TNFRSF19: variants seen among roughly 807,000 people sequenced by gnomAD.
TNFRSF19 encodes TNF receptor superfamily member 19.
TNFRSF19 carries 27 observed loss-of-function variants against 46.4 expected under a neutral mutation model. The observed-to-expected ratio is 0.58, with a 90% CI of 0.43 to 0.80. The LOEUF (loss-of-function observed/expected upper bound fraction) is 0.80. Ranked by LOEUF, TNFRSF19 falls within the 30% of genes least tolerant of loss-of-function variation. TNFRSF19 has a pLI of 0.00. For synonymous variants in TNFRSF19, 204 were observed against 205.0 expected (o/e 1.00, Z 0.04); for missense variants, 511 against 530.8 (o/e 0.96, Z 0.37).
At chr13:23,650,122 T>C (rs374622005) in intron 5 of TNFRSF19, among the ~76,000 whole-genome samples, 2 of 152,218 alleles carry the variant, frequency 1.3e-5, no homozygotes, top group East Asian at 3.8e-4. Flanking sequence ...TCTTCTGGCA[T>C]AAAATCCCTC....
At chr13:23,598,604 G>T (rs1879905417) in intron 3 of TNFRSF19, among the ~76,000 whole-genome samples, 1 of 152,178 alleles carries the variant, frequency 6.6e-6, no homozygotes, top group Non-Finnish European at 1.5e-5. Flanking sequence ...CACAGTGAGT[G>T]TATGTTACTC....
Position 23,644,460 on chromosome 13 carries a change from A to G in TNFRSF19, c.446-14590A>G, listed in dbSNP as rs557463540. Among the ~76,000 whole-genome samples, 5 of 152,186 alleles carry G rather than the reference A, an allele frequency of 3.3e-5. No homozygotes were observed. The South Asian group carries it at 1.0e-3, about 32-fold the overall frequency. On this transcript the variant is annotated intron_variant, in intron 5 of 9. Transcript: ENST00000248484. ...CCTTGCTGCCGCCATGTGAAGAAGG[A>G]TGTGTTTGCTTCCCCTTCCAGCATG...
intron 3 of TNFRSF19, among the ~76,000 whole-genome samples, chr13:23,596,022 T>G (rs1486211569): frequency 6.6e-6 from 1 of 152,128 alleles, no homozygotes; most frequent in African/African-American, 2.4e-5. Flanking sequence ...GCTTCATAAG[T>G]GACGGAGAAA....
chr13:23,652,993 C>A (rs74038473), intron 5 of TNFRSF19, among the ~76,000 whole-genome samples: 1 of 152,176 alleles, frequency 6.6e-6, no homozygotes, highest in African/African-American at 2.4e-5. Flanking sequence ...CCAGAAATAT[C>A]GTGGCCTAAG....
intron 1 of TNFRSF19, among the ~76,000 whole-genome samples, chr13:23,573,934 C>G (rs955138378): frequency 6.6e-6 from 1 of 151,732 alleles, no homozygotes; most frequent in Admixed American, 6.6e-5. Flanking sequence ...AGGTGGCAGG[C>G]GCCTGTAGTC....
chr13:23,637,547 AAT>A (rs1292195024), intron 5 of TNFRSF19, among the ~76,000 whole-genome samples: 1 of 152,182 alleles, frequency 6.6e-6, no homozygotes, highest in African/African-American at 2.4e-5. Flanking sequence ...TAAGTGAATT[AAT>A]ACCGGTATCA....
chr13:23,608,840 C>T (rs1029096075), intron 3 of TNFRSF19, among the ~76,000 whole-genome samples: 3 of 152,136 alleles, frequency 2.0e-5, no homozygotes, highest in Non-Finnish European at 4.4e-5. Context: ...TCATATTGAC[C>T]TAACGCACAT....
chr13:23,639,487 C>T (rs908694500), intron 5 of TNFRSF19, among the ~76,000 whole-genome samples: 9 of 152,248 alleles, frequency 5.9e-5, no homozygotes, highest in Admixed American at 2.6e-4. Context: ...TCCTTTGCCT[C>T]CCCTCAGGAG....
intron 1 of TNFRSF19, among the ~76,000 whole-genome samples, chr13:23,586,751 G>A (rs1010832268): frequency 1.3e-5 from 2 of 152,182 alleles, no homozygotes; most frequent in Admixed American, 6.5e-5. Flanking sequence ...CAGCCACTCT[G>A]TGTGCAGCTG....
intron 9 of TNFRSF19, among the ~76,000 whole-genome samples, chr13:23,670,760 C>A (rs979087727): frequency 6.6e-6 from 1 of 152,196 alleles, no homozygotes; most frequent in African/African-American, 2.4e-5. Context: ...ACAGGCGGAA[C>A]CCCCCTGCTC....
chr13:23,617,465 G>A (rs1243329214), intron 4 of TNFRSF19, among the ~76,000 whole-genome samples: 1 of 152,176 alleles, frequency 6.6e-6, no homozygotes, highest in African/African-American at 2.4e-5. Context: ...AAGAGCCAGG[G>A]TGACAAGGGG....
chr13:23,601,845 C>T (rs536976132), intron 3 of TNFRSF19, among the ~76,000 whole-genome samples: 1 of 151,932 alleles, frequency 6.6e-6, no homozygotes, highest in Non-Finnish European at 1.5e-5. Context: ...TCTAGGGCAA[C>T]CGTTAAAACA....
intron 5 of TNFRSF19, among the ~76,000 whole-genome samples, chr13:23,639,439 G>C (rs991519096): frequency 6.6e-6 from 1 of 152,180 alleles, no homozygotes; most frequent in Non-Finnish European, 1.5e-5. Flanking sequence ...CCCCGTAGCA[G>C]GTGTCCTTGG....
intron 3 of TNFRSF19, among the ~76,000 whole-genome samples, chr13:23,596,409 T>G (rs1879727254): frequency 6.6e-6 from 1 of 152,054 alleles, no homozygotes; most frequent in African/African-American, 2.4e-5. Flanking sequence ...GAATATTTAC[T>G]AAGCAAATGG....
At chr13:23,633,773 C>T (rs556135071) in intron 5 of TNFRSF19, among the ~76,000 whole-genome samples, 11 of 152,262 alleles carry the variant, frequency 7.2e-5, no homozygotes, top group Admixed American at 1.3e-4. Context: ...CACTTGAACG[C>T]GGGAGGCGGA....
chr13:23,670,954 T>G (rs1273094364), intron 9 of TNFRSF19, among the ~76,000 whole-genome samples: 1 of 152,200 alleles, frequency 6.6e-6, no homozygotes, highest in African/African-American at 2.4e-5. Context: ...ACCTTAATTT[T>G]GTAGCTTGTA....
chr13:23,618,969 A>C (rs551917262), intron 4 of TNFRSF19, among the ~76,000 whole-genome samples: 1 of 152,314 alleles, frequency 6.6e-6, no homozygotes, highest in South Asian at 2.1e-4. Context: ...CTTCCCTCTG[A>C]AGAGTGCAGC....
At chr13:23,610,224 G>A (rs1880800582) in intron 3 of TNFRSF19, among the ~76,000 whole-genome samples, 1 of 152,224 alleles carries the variant, frequency 6.6e-6, no homozygotes, top group Non-Finnish European at 1.5e-5. Flanking sequence ...GGGTCTGTGA[G>A]TTTTCCCCTG....
chr13:23,607,560 A>G (rs1369645980), intron 3 of TNFRSF19, among the ~76,000 whole-genome samples: 1 of 152,266 alleles, frequency 6.6e-6, no homozygotes, highest in Non-Finnish European at 1.5e-5. Context: ...AAAGCAGAGT[A>G]AACATAAAAC....
Sources: allele counts gnomAD v4.1 joint callset (sites outside exome capture counted in the v4.1 genomes callset), GRCh38; gene constraint gnomAD v4.1.1; transcripts MANE v1.5; gene names NCBI Gene and HGNC (gene_info 2026-07-23, HGNC 2026-07-21).